SHANK1: variants seen among roughly 807,000 people sequenced by gnomAD.
SHANK1 encodes SH3 and multiple ankyrin repeat domains protein 1.
A neutral mutation model predicts 165.6 loss-of-function variants in SHANK1; 35 were observed. The observed-to-expected ratio is 0.21, with a 90% CI of 0.16 to 0.28. The LOEUF (loss-of-function observed/expected upper bound fraction) is 0.28. Ranked by LOEUF, SHANK1 falls within the 10% of genes least tolerant of loss-of-function variation. SHANK1 has a pLI of 1.00. For missense variants in SHANK1, 2,681 were observed against 3,036.4 expected (o/e 0.88, Z 2.75); for synonymous variants, 1,428 against 1,384.8 (o/e 1.03, Z -0.69).
In SHANK1 at chr19:50,660,033, G is replaced by GC. The variant is rs1167332531; in HGVS notation, c.*1931dup. On this transcript the variant is annotated 3_prime_UTR_variant, in exon 24 of 24. Transcript: ENST00000293441. ...AGCCCCCTCCCCTCATGGACGGAGC[G>GC]CCCCCCCCTCTCGGGGGTAGGGGGC... Among the ~76,000 whole-genome samples, 8 of 149,128 alleles carry GC rather than the reference G, an allele frequency of 5.4e-5. No individual in the cohort carries two copies. The highest frequency in any genetic ancestry group is 4.0e-4 in the East Asian group (2 of 5,000).
chr19:50,689,075 C>A, intron 16 of SHANK1, 107 bp from the exon 17 acceptor site: 1 of 1,111,836 alleles, frequency 9.0e-7, no homozygotes, highest in South Asian at 1.3e-5. Context: ...AGCTGAGGGA[C>A]CAGCACCCCG....
Position 50,717,719 on chromosome 19 carries a change from G to A in SHANK1, c.-43-757C>T, listed in dbSNP as rs1054070206. 6.6e-6 allele frequency among the ~76,000 whole-genome samples: 1 copy of A among 152,052 alleles called. No homozygotes were observed. Among genetic ancestry groups the A allele is most frequent in the African/African-American group, 2.4e-5 (1 of 41,378 alleles). ...GGTCGGCCTGGGGAGTGCTGTCCAG[G>A]TGACAGTGGTGTGGTGGCCCGGGTA... On this transcript the variant is annotated intron_variant, in intron 1 of 23. Coordinates refer to ENST00000293441, the MANE Select transcript of SHANK1 (RefSeq NM_016148.5). The surrounding 1 kb of genome is among the most constrained non-coding windows in gnomAD (Gnocchi z 5.5).
At chr19:50,684,037 T>C (rs886122308) in intron 21 of SHANK1, among the ~76,000 whole-genome samples, 2 of 152,246 alleles carry the variant, frequency 1.3e-5, no homozygotes, top group Non-Finnish European at 2.9e-5. Context: ...GGAATGTGCA[T>C]GCTCTGTCTT....
Position 50,668,174 on chromosome 19 carries a change from C to T in SHANK1, c.3786G>A (p.Ala1262=). ...RRSTLFLSTD[A]GDEDGGDGGL... ...CGCCGTCCCCGCCGTCCTCGTCCCC[C>T]GCGTCGGTGGACAGGAACAGCGTGG... is the stretch of plus-strand genomic sequence containing the variant. Residue 1262 remains alanine, a synonymous_variant, in exon 23 of 24, where the codon GCG becomes GCA. Coordinates refer to ENST00000293441, the MANE Select transcript of SHANK1 (RefSeq NM_016148.5). 1 of 1,473,968 alleles carries T rather than the reference C, an allele frequency of 6.8e-7. No homozygotes were observed. Among genetic ancestry groups the T allele is most frequent in the Non-Finnish European group, 8.9e-7 (1 of 1,122,304 alleles). The allele number at this position is 1,473,968 out of a possible 1,614,324, so 91.3% of individuals were successfully genotyped here.
intron 8 of SHANK1, among the ~76,000 whole-genome samples, chr19:50,710,154 G>T (rs2088991078): frequency 2.0e-5 from 3 of 152,228 alleles, no homozygotes; most frequent in Admixed American, 2.0e-4. Flanking sequence ...GGAGTCAGAG[G>T]ATTGGTTGTG....
At chr19:50,669,514 A>G (rs567460110) in intron 22 of SHANK1, among the ~76,000 whole-genome samples, 3 of 152,186 alleles carry the variant, frequency 2.0e-5, no homozygotes, top group East Asian at 3.9e-4. Context: ...GAAGGTGAGG[A>G]AACTGAAATT....
At position 50,716,281 on chromosome 19, in the gene SHANK1, G is replaced by A; in HGVS notation, c.453C>T (p.Tyr151=). The part of the protein sequence containing the change: ...YPQSFEKGVP[Y]LEFRYKTRVY... ...GGAGTTGGGGAAGCTTCACCTCCAG[G>A]TAGGGGACCCCCTTCTCAAAGGACT... Residue 151 remains tyrosine, a synonymous_variant, in exon 3 of 24, where the codon TAC becomes TAT. Transcript: ENST00000293441. This position sits in a 1 kb window ranked among gnomAD's most constrained non-coding sequence, Gnocchi z 8.4. 1 of 1,613,922 alleles carries A rather than the reference G, an allele frequency of 6.2e-7. No homozygotes were observed. Among genetic ancestry groups the A allele is most frequent in the Non-Finnish European group, 8.5e-7 (1 of 1,179,886 alleles).
chr19:50,702,798 G>C lies in SHANK1; in HGVS notation c.1554-138C>G, dbSNP rs2123174358. ...TTTCCCAGCACTGGCGTCCTCCAAG[G>C]AAGAGGGCATTTGGGGGCTCCCTCT... On this transcript the variant is annotated intron_variant, in intron 11 of 23. Coordinates refer to ENST00000293441, the MANE Select transcript of SHANK1 (RefSeq NM_016148.5). The surrounding 1 kb of genome is among the most constrained non-coding windows in gnomAD (Gnocchi z 5.3). 3 of 622,106 alleles carry C rather than the reference G, an allele frequency of 4.8e-6. No individual in the cohort carries two copies. In the East Asian group the frequency reaches 8.3e-5, roughly 17 times the overall value. 38.5% of individuals were successfully genotyped at this position (622,106 alleles called of 1,614,324 possible).
In SHANK1 at chr19:50,666,649, C is replaced by T. The variant is rs1395508039; in HGVS notation, c.5311G>A (p.Gly1771Ser). 6 of 1,592,184 alleles carry T rather than the reference C, an allele frequency of 3.8e-6. No individual in the cohort carries two copies. In the African/African-American group the frequency reaches 4.0e-5, roughly 11 times the overall value. ...ALGASGGLRP[G>S]PSGGLRDPVT... ...GGGTCTCGGAGTCCCCCGCTGGGGC[C>T]AGGCCGCAGGCCTCCGCTGGCTCCT... The change falls in exon 23 of 24, where the codon GGC (glycine) becomes AGC (serine). Residue 1771 changes from glycine to serine, a missense_variant. Physicochemically the swap from Gly to Ser is moderately conservative, Grantham distance 56. Around this residue, in one of 10 missense-constraint regions of SHANK1, gnomAD observed 1,713 missense variants for 1,630.2 expected, o/e 1.05. Transcript: ENST00000293441.
intron 15 of SHANK1, among the ~76,000 whole-genome samples, chr19:50,691,846 A>T (rs1986547506): frequency 6.7e-6 from 1 of 149,738 alleles, no homozygotes; most frequent in African/African-American, 2.5e-5. Context: ...CCAACTAATT[A>T]AAAAAATCTT....
chr19:50,672,907 T>C (rs571861068), intron 21 of SHANK1, among the ~76,000 whole-genome samples: 1 of 152,234 alleles, frequency 6.6e-6, no homozygotes, highest in Non-Finnish European at 1.5e-5. Flanking sequence ...AACTCCCAAC[T>C]CTGGTCTACA....
chr19:50,691,333 G>T (rs1044226784), intron 15 of SHANK1, among the ~76,000 whole-genome samples: 2 of 152,058 alleles, frequency 1.3e-5, no homozygotes, highest in African/African-American at 4.8e-5. Context: ...TCCTCCTCCT[G>T]TATCTCTTCC....
chr19:50,660,640 G>A lies in SHANK1; in HGVS notation c.*1325C>T, dbSNP rs1985165080. Among the ~76,000 whole-genome samples, 1 of 149,020 alleles carries A rather than the reference G, an allele frequency of 6.7e-6. No individual in the cohort carries two copies. The highest frequency in any genetic ancestry group is 6.7e-5 in the Admixed American group (1 of 14,852). ...GCTCTCATCCAGGTAGAAAAGACAA[G>A]ATGCGGTGTGCAGCCATGTCATGGT... On this transcript the variant is annotated 3_prime_UTR_variant, in exon 24 of 24. Coordinates refer to ENST00000293441, the MANE Select transcript of SHANK1 (RefSeq NM_016148.5).
chr19:50,710,504 C>T (rs2088994695), intron 8 of SHANK1, among the ~76,000 whole-genome samples: 1 of 152,190 alleles, frequency 6.6e-6, no homozygotes, highest in South Asian at 2.1e-4. Context: ...ATGGGGCTGA[C>T]CTGCCCAGGA....
At position 50,718,162 on chromosome 19, in the gene SHANK1, G is replaced by A. The variant is rs1177281375; in HGVS notation, c.-43-1200C>T. 6.6e-6 allele frequency among the ~76,000 whole-genome samples: 1 copy of A among 152,170 alleles called. No individual in the cohort carries two copies. The highest frequency in any genetic ancestry group is 1.5e-5 in the Non-Finnish European group (1 of 68,004). ...GGGAAAGGGAAGACTAAATGTGTGTGGTGGGAGGAGAGTTCCAGGAGGTGT... is the reference window on the plus strand; with the variant it reads ...GGGAAAGGGAAGACTAAATGTGTGTAGTGGGAGGAGAGTTCCAGGAGGTGT... On this transcript the variant is annotated intron_variant, in intron 1 of 23. Transcript: ENST00000293441. This position sits in a 1 kb window ranked among gnomAD's most constrained non-coding sequence, Gnocchi z 5.1.
In SHANK1 at chr19:50,667,968, C is replaced by T; in HGVS notation, c.3992G>A (p.Ser1331Asn). ...CACCAGGGGTCGCGGGGGCAGGAAGCTGGTGAAGGCGCTGCTGCCCCCGCC... is the reference window on the plus strand; with the variant it reads ...CACCAGGGGTCGCGGGGGCAGGAAGTTGGTGAAGGCGCTGCTGCCCCCGCC... ...GGGGGSSAFTSFLPPRPLVHP... is the reference protein window; with the variant it reads ...GGGGGSSAFTNFLPPRPLVHP... Residue 1331 changes from serine to asparagine, a missense_variant, in exon 23 of 24, where the codon AGC becomes AAC. Ser to Asn is a conservative substitution (Grantham distance 46, BLOSUM62 1). Around this residue, in one of 10 missense-constraint regions of SHANK1, gnomAD observed 1,713 missense variants for 1,630.2 expected, o/e 1.05. Transcript: ENST00000293441. The surrounding 1 kb of genome is among the most constrained non-coding windows in gnomAD (Gnocchi z 5.7). 1 of 1,424,334 alleles carries T rather than the reference C, an allele frequency of 7.0e-7. No individual in the cohort carries two copies. The highest frequency in any genetic ancestry group is 1.4e-5 in the South Asian group (1 of 70,744). The allele number at this position is 1,424,334 out of a possible 1,614,324, so 88.2% of individuals were successfully genotyped here. A position where few individuals can be genotyped will look rare whatever the true frequency, so the allele number is the denominator to read the frequency against.
Position 50,690,230 on chromosome 19 carries a change from T to C in SHANK1, c.1965-951A>G, listed in dbSNP as rs764495587. Among the ~76,000 whole-genome samples the C allele has an allele frequency of 7.2e-5, 11 of 152,036 alleles. No homozygotes were observed. The highest frequency in any genetic ancestry group is 1.3e-4 in the Non-Finnish European group (9 of 67,994). ...CATGAATATGGGTGGTAGTTTCCAG[T>C]AAAGCCATCAAATGCCACCAGCACA... On this transcript the variant is annotated intron_variant, in intron 15 of 23. Transcript: ENST00000293441. This position sits in a 1 kb window ranked among gnomAD's most constrained non-coding sequence, Gnocchi z 4.9.
At chr19:50,689,604 G>A (rs1166103137) in intron 15 of SHANK1, among the ~76,000 whole-genome samples, 1 of 152,096 alleles carries the variant, frequency 6.6e-6, no homozygotes, top group Admixed American at 6.6e-5. Context: ...CCAGGCTTGG[G>A]TCCCTGCTAG....
At chr19:50,700,705 C>G (rs925472217) in intron 12 of SHANK1, among the ~76,000 whole-genome samples, 1 of 152,036 alleles carries the variant, frequency 6.6e-6, no homozygotes, top group Admixed American at 6.6e-5. Flanking sequence ...TGTTCTCTCC[C>G]TGCGTAGAAG....
Sources: gnomAD v4.1 joint callset for allele counts (sites outside exome capture counted in the v4.1 genomes callset) on GRCh38, gnomAD v4.1.1 for gene constraint, gnomAD v4.1.1 regional missense constraint, Gnocchi (gnomAD v3.1) non-coding constraint, MANE v1.5 for transcripts, NCBI Gene and HGNC (gene_info 2026-07-23, HGNC 2026-07-21) for gene names.